The following VDAC1 variants were observed in gnomAD, a reference collection of about 807,000 sequenced individuals.
VDAC1 encodes the protein non-selective voltage-gated ion channel VDAC1.
In VDAC1, 10 loss-of-function variants were observed where a neutral mutation model predicts 34.7. That is an observed-to-expected ratio of 0.29 (90% CI 0.18 to 0.49). The LOEUF (loss-of-function observed/expected upper bound fraction) is 0.49. Ranked by LOEUF, VDAC1 falls within the 20% of genes least tolerant of loss-of-function variation. VDAC1 has a pLI of 0.99. For synonymous variants in VDAC1, 130 were observed against 136.0 expected, an observed-to-expected ratio of 0.96 and a Z score of 0.30; for missense variants, 230 against 347.9, an observed-to-expected ratio of 0.66 and a Z score of 2.69.
the VDAC1 span, among the ~76,000 whole-genome samples, chr5:134,098,169 CTTATTATTATTATTA>C: frequency 0.85 from 125,257 of 146,884 alleles, 53,731 homozygotes; most frequent in Non-Finnish European, 0.91. Context: ...CCATGCCCTG[CTTATTATTATTATTA>C]TTATTATTAT....
the VDAC1 span, among the ~76,000 whole-genome samples, chr5:134,103,358 A>G: frequency 6.6e-6 from 1 of 152,244 alleles, no homozygotes; most frequent in East Asian, 1.9e-4. Flanking sequence ...CTGGGCTCCA[A>G]GTGATCCGGC....
At chr5:134,061,678 A>G in the VDAC1 span, among the ~76,000 whole-genome samples, 1 of 151,602 alleles carries the variant, frequency 6.6e-6, no homozygotes, top group Non-Finnish European at 1.5e-5. Context: ...CAGCCCCTGA[A>G]TTTTTTATGA....
At chr5:134,047,609 C>G in the VDAC1 span, among the ~76,000 whole-genome samples, 2 of 152,262 alleles carry the variant, frequency 1.3e-5, no homozygotes, top group African/African-American at 4.8e-5. Context: ...CTGCCATATG[C>G]TAAGCAGTAT....
At chr5:134,113,735 T>G in the VDAC1 span, among the ~76,000 whole-genome samples, 2 of 152,274 alleles carry the variant, frequency 1.3e-5, no homozygotes, top group African/African-American at 4.8e-5. Context: ...ACAGATGCGC[T>G]GGAATCCAGG....
the VDAC1 span, among the ~76,000 whole-genome samples, chr5:134,064,855 C>G: frequency 1.3e-5 from 2 of 151,758 alleles, no homozygotes; most frequent in Non-Finnish European, 1.5e-5. Context: ...GTAGCTGGGA[C>G]CCACAGGCGT....
the VDAC1 span, among the ~76,000 whole-genome samples, chr5:134,049,060 G>A: frequency 6.6e-6 from 1 of 152,164 alleles, no homozygotes; most frequent in African/African-American, 2.4e-5. Flanking sequence ...AGCCACTACT[G>A]TTATCCTCAT....
the VDAC1 span, among the ~76,000 whole-genome samples, chr5:134,024,490 C>T: frequency 1.3e-5 from 2 of 148,230 alleles, no homozygotes; most frequent in Non-Finnish European, 3.0e-5. Flanking sequence ...GCTTGCACCA[C>T]TGCACTCCAG....
the VDAC1 span, among the ~76,000 whole-genome samples, chr5:134,104,825 G>A: frequency 2.0e-5 from 3 of 152,226 alleles, no homozygotes; most frequent in Non-Finnish European, 4.4e-5. Flanking sequence ...ACCCCAAAGC[G>A]AGGGGATATA....
At chr5:134,087,486 A>T in the VDAC1 span, among the ~76,000 whole-genome samples, 48 of 152,330 alleles carry the variant, frequency 3.2e-4, no homozygotes, top group African/African-American at 1.2e-3. Context: ...GGTTTCTTCA[A>T]CATCAACACC....
chr5:133,982,239 C>T (rs1188161595), intron 5 of VDAC1, among the ~76,000 whole-genome samples: 2 of 152,294 alleles, frequency 1.3e-5, no homozygotes, highest in East Asian at 1.9e-4. Context: ...CGGGGCCAGG[C>T]GCAGTGGCTC....
Position 133,990,913 on chromosome 5 carries a change from C to T in VDAC1, c.271-6G>A, listed in dbSNP as rs1277051843. 2.5e-6 allele frequency: 4 copies of T among 1,587,996 alleles called. No individual in the cohort carries two copies. The highest frequency in any genetic ancestry group is 2.7e-5 in the African/African-American group (2 of 74,498). ...AGCTTCAGTCCACGTGCAAGCTGAA[C>T]AGAAAAGAAATTTGCCACTAGATTT... On this transcript the variant is annotated splice_region_variant and splice_polypyrimidine_tract_variant and intron_variant, in intron 4 of 8. Transcript: ENST00000265333.
At chr5:134,054,626 A>AT in the VDAC1 span, among the ~76,000 whole-genome samples, 2 of 151,646 alleles carry the variant, frequency 1.3e-5, no homozygotes, top group South Asian at 2.1e-4. Flanking sequence ...TGCCTAGCTA[A>AT]TTTTTTTGTA....
the VDAC1 span, among the ~76,000 whole-genome samples, chr5:134,068,554 G>A: frequency 6.6e-6 from 1 of 152,152 alleles, no homozygotes; most frequent in Admixed American, 6.5e-5. Context: ...CTAATGAGAA[G>A]GCTGTTTACT....
In VDAC1 at chr5:133,979,018, A is replaced by C. The variant is rs568706048; in HGVS notation, c.551+1711T>G. 5.3e-5 allele frequency among the ~76,000 whole-genome samples: 8 copies of C among 152,226 alleles called. No individual in the cohort carries two copies. The East Asian group carries it at 1.4e-3, about 26-fold the overall frequency. On this transcript the variant is annotated intron_variant, in intron 6 of 8. Coordinates refer to ENST00000265333, the MANE Select transcript of VDAC1 (RefSeq NM_003374.3). ...GAGACCCTGTCACCAAAAAATAATA[A>C]TAATAAATAAATAAATACACAGGTG... is the stretch of plus-strand genomic sequence containing the variant.
chr5:134,004,323 C>A (rs532575614), intron 1 of VDAC1, among the ~76,000 whole-genome samples: 114 of 152,044 alleles, frequency 7.5e-4, no homozygotes, highest in African/African-American at 2.6e-3. Flanking sequence ...CACCTAGACG[C>A]GCGGCCCGCC....
chr5:134,078,647 CTTT>C, the VDAC1 span, among the ~76,000 whole-genome samples: 3 of 118,464 alleles, frequency 2.5e-5, no homozygotes, highest in East Asian at 2.8e-4. Context: ...CCTCAAGCAT[CTTT>C]TTTTTTTTTT....
chr5:134,001,456 C>T (rs1446135633), intron 1 of VDAC1, among the ~76,000 whole-genome samples: 1 of 152,130 alleles, frequency 6.6e-6, no homozygotes, highest in Non-Finnish European at 1.5e-5. Flanking sequence ...GTGGCTCACA[C>T]CTGCAATCCC....
chr5:134,052,878 A>G, the VDAC1 span, among the ~76,000 whole-genome samples: 1 of 152,272 alleles, frequency 6.6e-6, no homozygotes, highest in South Asian at 2.1e-4. Context: ...GCACTTTGGG[A>G]GGCCGAGGTG....
the VDAC1 span, among the ~76,000 whole-genome samples, chr5:134,109,792 A>G: frequency 7.4e-6 from 1 of 134,966 alleles, no homozygotes; most frequent in Non-Finnish European, 1.6e-5. Flanking sequence ...AAAAAAAAAA[A>G]GAACTTAGAG....
Sources: allele counts gnomAD v4.1 joint callset (sites outside exome capture counted in the v4.1 genomes callset), GRCh38; gene constraint gnomAD v4.1.1; transcripts MANE v1.5; gene names NCBI Gene and HGNC (gene_info 2026-07-23, HGNC 2026-07-21).